Variants in SFSWAP observed in about 807,000 individuals in gnomAD.
SFSWAP encodes the protein splicing factor, suppressor of white-apricot homolog.
SFSWAP carries 17 observed loss-of-function variants against 100.7 expected under a neutral mutation model. The observed-to-expected ratio is 0.17, with a 90% confidence interval of 0.12 to 0.25. The LOEUF is 0.25. SFSWAP is among the 10% of genes least tolerant of loss of function. The pLI is 1.00. For synonymous variants in SFSWAP, 504 were observed against 510.1 expected, an observed-to-expected ratio of 0.99 and a Z score of 0.16; for missense variants, 1,005 against 1,262.6, an observed-to-expected ratio of 0.80 and a Z score of 3.09.
intron 15 of SFSWAP, among the ~76,000 whole-genome samples, chr12:131,787,482 G>T (rs1245915086): frequency 1.3e-5 from 2 of 152,224 alleles, no homozygotes; most frequent in Admixed American, 1.3e-4. Context: ...CAAGGAGCTT[G>T]TTTTGTGTCC....
Position 131,799,260 on chromosome 12 carries a change from G to A in SFSWAP, c.2790+151G>A, listed in dbSNP as rs576178040. The stretch of plus-strand genomic sequence containing the variant: ...CCACAGGCTCTGGGTGAGGCCGAGG[G>A]CAAAGCCGTGTGGCCCGCACCCTGC... On this transcript the variant is annotated intron_variant, in intron 17 of 17. Transcript: ENST00000261674. The A allele has an allele frequency of 4.9e-6, 5 of 1,016,708 alleles. No individual in the cohort carries two copies. The East Asian group carries it at 1.0e-4, about 21-fold the overall frequency. The allele number at this position is 1,016,708 out of a possible 1,614,324, so 63.0% of individuals were successfully genotyped here. A position where few individuals can be genotyped will look rare whatever the true frequency, so the allele number is the denominator to read the frequency against.
chr12:131,783,840 G>A (rs1306405091), intron 14 of SFSWAP: 2 of 104,768 alleles, frequency 1.9e-5, no homozygotes, highest in Non-Finnish European at 4.2e-5. Context: ...GTAGAAATTA[G>A]CTCCCTAAAT....
intron 8 of SFSWAP, 123 bp downstream of exon 8, chr12:131,753,486 G>A (rs1881863039): frequency 1.6e-6 from 2 of 1,260,770 alleles, no homozygotes; most frequent in Non-Finnish European, 1.1e-6. Flanking sequence ...CATTGTCTGA[G>A]TAGTTATTAT....
Position 131,764,481 on chromosome 12 carries a change from A to G in SFSWAP, c.1746A>G (p.Ala582=). The change falls in exon 12 of 18, where the codon GCA becomes GCG. Residue 582 remains alanine, a synonymous_variant. Transcript: ENST00000261674. ...VKASFAPISF[A]IKAKENDLLP... Reference sequence around the variant, plus strand: ...CTTCCTTTGCTCCAATAAGCTTTGCAATCAAGGCCAAAGAAAATGATCTGC... The same window carrying G: ...CTTCCTTTGCTCCAATAAGCTTTGCGATCAAGGCCAAAGAAAATGATCTGC... 4.3e-6 allele frequency: 7 copies of G among 1,614,118 alleles called. No homozygotes were observed. The highest frequency in any genetic ancestry group is 5.9e-6 in the Non-Finnish European group (7 of 1,179,944).
intron 4 of SFSWAP, among the ~76,000 whole-genome samples, chr12:131,720,519 A>G (rs983623984): frequency 4.6e-5 from 7 of 152,090 alleles, no homozygotes; most frequent in Non-Finnish European, 1.5e-5. Flanking sequence ...TTTCTTGGAC[A>G]TTTTCGTAAC....
In SFSWAP at chr12:131,799,494, G is replaced by T. The variant is rs1176547600; in HGVS notation, c.*6G>T. On this transcript the variant is annotated 3_prime_UTR_variant, in exon 18 of 18. Transcript: ENST00000261674. ...TGCAAACCAGCGCTTCCTGAGACGG[G>T]GCCAGCGGAGGCAGAGCCGGGAGGC... 1 of 1,613,408 alleles carries T rather than the reference G, an allele frequency of 6.2e-7. No individual in the cohort carries two copies. The highest frequency in any genetic ancestry group is 1.7e-5 in the Admixed American group (1 of 59,966).
chr12:131,729,812 C>G (rs1244538773), intron 7 of SFSWAP, among the ~76,000 whole-genome samples: 1 of 152,214 alleles, frequency 6.6e-6, no homozygotes, highest in African/African-American at 2.4e-5. Context: ...TCCTTCAGTT[C>G]AGCCGGAGAT....
At chr12:131,773,509 T>C (rs1883779749) in intron 13 of SFSWAP, among the ~76,000 whole-genome samples, 1 of 152,012 alleles carries the variant, frequency 6.6e-6, no homozygotes, top group African/African-American at 2.4e-5. Flanking sequence ...CCCAGCTAAA[T>C]TTTTTTGTAT....
intron 13 of SFSWAP, among the ~76,000 whole-genome samples, chr12:131,767,522 A>G (rs191445760): frequency 2.0e-5 from 3 of 152,326 alleles, no homozygotes; most frequent in Admixed American, 2.0e-4. Context: ...AACTGTGACA[A>G]AACTGGGCAT....
At position 131,730,465 on chromosome 12, in the gene SFSWAP, C is replaced by T. The variant is rs1415426000; in HGVS notation, c.1081+2037C>T. Among the ~76,000 whole-genome samples, 1 of 152,222 alleles carries T rather than the reference C, an allele frequency of 6.6e-6. No homozygotes were observed. Among genetic ancestry groups the T allele is most frequent in the Admixed American group, 6.5e-5 (1 of 15,282 alleles). The stretch of plus-strand genomic sequence containing the variant: ...TGGTGGAAGAACAGCCATGTGCAGA[C>T]CCCGCAGGACCAGGCAGGATGGTGG... On this transcript the variant is annotated intron_variant, in intron 7 of 17. Transcript: ENST00000261674. This position sits in a 1 kb window ranked among gnomAD's most constrained non-coding sequence, Gnocchi z 4.0.
chr12:131,789,907 G>A (rs1036980242), intron 15 of SFSWAP, among the ~76,000 whole-genome samples: 2 of 152,190 alleles, frequency 1.3e-5, no homozygotes, highest in African/African-American at 4.8e-5. Context: ...ACTTGATTAA[G>A]TCTGCATCTG....
chr12:131,732,135 C>T (rs1394040057), intron 7 of SFSWAP, among the ~76,000 whole-genome samples: 1 of 152,014 alleles, frequency 6.6e-6, no homozygotes, highest in Non-Finnish European at 1.5e-5. Flanking sequence ...GTCTCAAACT[C>T]CTGACCTCAG....
At chr12:131,779,202 G>GGTGAGCGTGT (rs1884269425) in intron 14 of SFSWAP, among the ~76,000 whole-genome samples, 1 of 150,470 alleles carries the variant, frequency 6.6e-6, no homozygotes, top group Non-Finnish European at 1.5e-5. Context: ...GGGCAGCGCG[G>GGTGAGCGTGT]ATGAGTGTGT....
chr12:131,711,422 G>A lies in SFSWAP; in HGVS notation c.193G>A (p.Gly65Arg). 1 of 1,613,320 alleles carries A rather than the reference G, an allele frequency of 6.2e-7. No homozygotes were observed. Among genetic ancestry groups the A allele is most frequent in the Non-Finnish European group, 8.5e-7 (1 of 1,179,736 alleles). ...EQGQHLIPWM[G>R]DHKILIDRYD... ...GGGACAGCACCTCATCCCCTGGATG[G>A]GGGACCACAAGATCCTCATCGACAG... Residue 65 changes from glycine to arginine, a missense_variant, in exon 1 of 18, where the codon GGG (glycine) becomes AGG (arginine). By Grantham distance (125) the Gly-to-Arg change is moderately radical (BLOSUM62 -2). This residue lies in a region of SFSWAP where 237 missense variants were observed against 337.0 expected (regional missense o/e 0.70). Coordinates refer to ENST00000261674, the MANE Select transcript of SFSWAP (RefSeq NM_004592.4). The surrounding 1 kb of genome is among the most constrained non-coding windows in gnomAD (Gnocchi z 4.9).
At position 131,750,777 on chromosome 12, in the gene SFSWAP, AAACTCC is replaced by A. The variant is rs1881548229; in HGVS notation, c.1082-2345_1082-2340del. On this transcript the variant is annotated intron_variant, in intron 7 of 17. Coordinates refer to ENST00000261674, the MANE Select transcript of SFSWAP (RefSeq NM_004592.4). ...GCCATCAACACCTCACTGCAGCCCC[AAACTCC>A]TGGGCTCAAGCCATCCTCCTGCCAC... Among the ~76,000 whole-genome samples the A allele has an allele frequency of 3.9e-5, 6 of 152,256 alleles. No individual in the cohort carries two copies. The South Asian group carries it at 1.2e-3, about 32-fold the overall frequency.
At chr12:131,736,257 A>G (rs1189085776) in intron 7 of SFSWAP, among the ~76,000 whole-genome samples, 1 of 152,242 alleles carries the variant, frequency 6.6e-6, no homozygotes, top group African/African-American at 2.4e-5. Flanking sequence ...GGAAAACATC[A>G]CATAAGAGCC....
At chr12:131,792,293 ACT>A (rs1885307403) in intron 15 of SFSWAP, among the ~76,000 whole-genome samples, 1 of 147,812 alleles carries the variant, frequency 6.8e-6, no homozygotes, top group Non-Finnish European at 1.5e-5. Flanking sequence ...ACAGATCAGT[ACT>A]GTGTGTGCAC....
chr12:131,754,892 CA>C (rs1257090559), intron 9 of SFSWAP, among the ~76,000 whole-genome samples: 1 of 152,026 alleles, frequency 6.6e-6, no homozygotes, highest in Non-Finnish European at 1.5e-5. Context: ...CTCAGCCTCC[CA>C]AAGTGCTAGG....
chr12:131,779,226 C>T (rs1359997222), intron 14 of SFSWAP, among the ~76,000 whole-genome samples: 3 of 150,110 alleles, frequency 2.0e-5, no homozygotes, highest in African/African-American at 4.9e-5. Context: ...AAGAGGGCGG[C>T]GCGGGTGAGC....
Sources: allele counts gnomAD v4.1 joint callset (sites outside exome capture counted in the v4.1 genomes callset), GRCh38; gene constraint gnomAD v4.1.1; regional missense constraint gnomAD v4.1.1; non-coding constraint Gnocchi (gnomAD v3.1); transcripts MANE v1.5; gene names NCBI Gene and HGNC (gene_info 2026-07-23, HGNC 2026-07-21).